Variants in MACROD2 observed in about 807,000 individuals in gnomAD.
MACROD2 encodes ADP-ribose glycohydrolase MACROD2.
In MACROD2, 36 loss-of-function variants were observed where a neutral mutation model predicts 70.4. The observed-to-expected ratio is 0.51, with a 90% confidence interval of 0.39 to 0.68. The LOEUF (loss-of-function observed/expected upper bound fraction) is 0.68, where lower values mean the gene tolerates loss of function less well. Ranked by LOEUF, MACROD2 falls within the 30% of genes least tolerant of loss-of-function variation. The pLI is 0.00. For missense variants in MACROD2, 496 were observed against 538.4 expected (o/e 0.92, Z 0.78); for synonymous variants, 172 against 178.8 (o/e 0.96, Z 0.30).
intron 5 of MACROD2, among the ~76,000 whole-genome samples, chr20:14,922,917 C>A (rs1485556938): frequency 2.6e-5 from 4 of 152,162 alleles, no homozygotes; most frequent in African/African-American, 9.7e-5. Flanking sequence ...AATAGAATTT[C>A]AATACAATCA....
chr20:15,700,359 C>A (rs1288170427), intron 8 of MACROD2, among the ~76,000 whole-genome samples: 1 of 152,176 alleles, frequency 6.6e-6, no homozygotes, highest in Non-Finnish European at 1.5e-5. Context: ...TGCAAGGACG[C>A]GGCACTGGCG....
chr20:15,744,781 CTG>C (rs1299744973), intron 8 of MACROD2, among the ~76,000 whole-genome samples: 2 of 151,622 alleles, frequency 1.3e-5, no homozygotes, highest in East Asian at 1.9e-4. Context: ...AGCATTGTGT[CTG>C]TGTATGTGTG....
intron 3 of MACROD2, among the ~76,000 whole-genome samples, chr20:14,463,016 G>A (rs1287086201): frequency 5.3e-5 from 8 of 152,132 alleles, no homozygotes; most frequent in Non-Finnish European, 8.8e-5. Context: ...TTGGCAATGC[G>A]GGCTGTATTT....
chr20:15,410,945 A>G lies in MACROD2; in HGVS notation c.541-20460A>G, dbSNP rs538863032. On this transcript the variant is annotated intron_variant, in intron 6 of 17. Coordinates refer to ENST00000684519, the MANE Select transcript of MACROD2 (RefSeq NM_001351661.2). Reference sequence around the variant, plus strand: ...ATTCTCATATATCTCGTGCAAGAGCAATGGTGCCGTACAATCTTTTTAGGC... The same window carrying G: ...ATTCTCATATATCTCGTGCAAGAGCGATGGTGCCGTACAATCTTTTTAGGC... Among the ~76,000 whole-genome samples the G allele has an allele frequency of 1.6e-4, 24 of 152,326 alleles. No individual in the cohort carries two copies. In the South Asian group the frequency reaches 5.0e-3, roughly 32 times the overall value.
At chr20:15,678,059 A>G (rs1044165230) in intron 8 of MACROD2, among the ~76,000 whole-genome samples, 4 of 143,590 alleles carry the variant, frequency 2.8e-5, no homozygotes, top group Non-Finnish European at 4.4e-5. Flanking sequence ...ACCAGACTCC[A>G]TCTGAAAAAA....
chr20:15,935,780 T>C (rs1182844353), intron 11 of MACROD2, among the ~76,000 whole-genome samples: 2 of 152,186 alleles, frequency 1.3e-5, no homozygotes, highest in African/African-American at 2.4e-5. Context: ...TTCTTTGAAA[T>C]TTATATTCTG....
intron 3 of MACROD2, among the ~76,000 whole-genome samples, chr20:14,303,712 A>G (rs575774146): frequency 6.6e-6 from 1 of 152,136 alleles, no homozygotes; most frequent in South Asian, 2.1e-4. Flanking sequence ...ATAGTTCCAA[A>G]TATGTCTCTT....
chr20:14,708,784 A>AT (rs1414095597), intron 5 of MACROD2, among the ~76,000 whole-genome samples: 1 of 151,762 alleles, frequency 6.6e-6, no homozygotes, highest in Non-Finnish European at 1.5e-5. Context: ...TGCCCAGCTA[A>AT]TTTTTTTGTA....
intron 5 of MACROD2, among the ~76,000 whole-genome samples, chr20:14,902,834 C>G (rs2073912654): frequency 6.6e-6 from 1 of 151,880 alleles, no homozygotes; most frequent in African/African-American, 2.4e-5. Flanking sequence ...AAACAGATCA[C>G]AATACATAAA....
intron 9 of MACROD2, among the ~76,000 whole-genome samples, chr20:15,880,141 G>A (rs1008534916): frequency 6.6e-6 from 1 of 151,978 alleles, no homozygotes; most frequent in Admixed American, 6.6e-5. Context: ...CCAGAATAAT[G>A]TTTGACCAAA....
chr20:15,066,476 A>G (rs1375700920), intron 5 of MACROD2, among the ~76,000 whole-genome samples: 1 of 152,094 alleles, frequency 6.6e-6, no homozygotes, highest in Non-Finnish European at 1.5e-5. Context: ...AATAGGCCCA[A>G]TGTTACTGTT....
intron 6 of MACROD2, among the ~76,000 whole-genome samples, chr20:15,315,043 AT>A (rs2077794038): frequency 6.6e-6 from 1 of 152,238 alleles, no homozygotes; most frequent in African/African-American, 2.4e-5. Context: ...GATGATTTCA[AT>A]AAAAGATTCA....
At chr20:14,228,163 G>GTATA (rs771755747) in intron 3 of MACROD2, among the ~76,000 whole-genome samples, 289 of 14,292 alleles carry the variant, frequency 0.02, 1 homozygote, top group African/African-American at 0.048. Flanking sequence ...TTTTTTCTAT[G>GTATA]TATATATATA....
chr20:14,657,801 C>T (rs1459904773), intron 4 of MACROD2, among the ~76,000 whole-genome samples: 1 of 151,858 alleles, frequency 6.6e-6, no homozygotes, highest in Non-Finnish European at 1.5e-5. Flanking sequence ...TTTATCAGAC[C>T]ACCCAAGGAA....
chr20:14,651,497 C>T (rs1362448709), intron 4 of MACROD2, among the ~76,000 whole-genome samples: 1 of 152,126 alleles, frequency 6.6e-6, no homozygotes. Flanking sequence ...TAAATACAAC[C>T]AAGGTTATAT....
At chr20:14,349,387 C>T (rs2083097924) in intron 3 of MACROD2, among the ~76,000 whole-genome samples, 1 of 150,666 alleles carries the variant, frequency 6.6e-6, no homozygotes. Flanking sequence ...AGCATTTGTC[C>T]TTTGTGTTGT....
Position 14,326,138 on chromosome 20 carries a change from C to A in MACROD2, c.272-167341C>A, listed in dbSNP as rs944647386. The stretch of plus-strand genomic sequence containing the variant: ...AAGTACTCACTGCGTTCCCCTGTTA[C>A]AATTGTTTCTGTTATAGATCCAAAT... On this transcript the variant is annotated intron_variant, in intron 3 of 17. Transcript: ENST00000684519. This position sits in a 1 kb window ranked among gnomAD's most constrained non-coding sequence, Gnocchi z 5.5. 3.1e-6 allele frequency: 5 copies of A among 1,613,770 alleles called. No homozygotes were observed. Among genetic ancestry groups the A allele is most frequent in the African/African-American group, 2.7e-5 (2 of 74,916 alleles).
At chr20:15,972,056 A>G (rs2066239392) in intron 13 of MACROD2, among the ~76,000 whole-genome samples, 1 of 152,226 alleles carries the variant, frequency 6.6e-6, no homozygotes, top group Non-Finnish European at 1.5e-5. Context: ...ATTTCAAGGA[A>G]TTCAAAACAC....
At chr20:15,814,829 G>C (rs914570141) in intron 8 of MACROD2, among the ~76,000 whole-genome samples, 2 of 152,192 alleles carry the variant, frequency 1.3e-5, no homozygotes, top group African/African-American at 4.8e-5. Flanking sequence ...TTCCACCAGT[G>C]CAAAGCTTTT....
Sources: allele counts gnomAD v4.1 joint callset (sites outside exome capture counted in the v4.1 genomes callset), GRCh38; gene constraint gnomAD v4.1.1; non-coding constraint Gnocchi (gnomAD v3.1); transcripts MANE v1.5; gene names NCBI Gene and HGNC (gene_info 2026-07-23, HGNC 2026-07-21).